The following MAGT1 variants were observed in gnomAD, a reference collection of about 807,000 sequenced individuals.
MAGT1 encodes the protein dolichyl-diphosphooligosaccharide--protein glycosyltransferase subunit MAGT1.
A neutral mutation model predicts 28.4 loss-of-function variants in MAGT1; 4 were observed. The ratio of observed to expected loss-of-function variants is 0.14; its 90% CI spans 0.07 to 0.32. The LOEUF (loss-of-function observed/expected upper bound fraction) is 0.32, where lower values mean the gene tolerates loss of function less well. MAGT1 is among the 10% of genes least tolerant of loss of function. The probability of loss-of-function intolerance (pLI) is 1.00; values close to 1 mark genes in which losing one functional copy is unlikely to be tolerated. For synonymous variants in MAGT1, 89 were observed against 89.7 expected, an observed-to-expected ratio of 0.99 and a Z score of 0.04; for missense variants, 193 against 264.5, an observed-to-expected ratio of 0.73 and a Z score of 1.88.
chrX:77,893,319 G>T (rs1478793203), intron 1 of MAGT1, among the ~76,000 whole-genome samples: 1 of 111,770 alleles, frequency 8.9e-6, no homozygotes, highest in Admixed American at 9.6e-5. Flanking sequence ...AAGAGAAAAG[G>T]AAGATATTCT....
chrX:77,856,636 A>C (rs1343501350), intron 5 of MAGT1, 97 bp downstream of exon 5: 1 of 832,814 alleles, frequency 1.2e-6, no homozygotes, highest in East Asian at 3.2e-5. Flanking sequence ...TCAGGTAAGA[A>C]ATAAAATGCT....
At chrX:77,856,076 A>G (rs1369207876) in intron 5 of MAGT1, among the ~76,000 whole-genome samples, 1 of 111,380 alleles carries the variant, frequency 9.0e-6, no homozygotes, top group East Asian at 2.8e-4. Context: ...CCAGGAAAAC[A>G]CTATTTAAAA....
chrX:77,839,120 A>C (rs1158725539), intron 8 of MAGT1, among the ~76,000 whole-genome samples: 2 of 108,045 alleles, frequency 1.9e-5, no homozygotes, highest in African/African-American at 6.7e-5. Context: ...TGGCTAACAC[A>C]GTGAAACCTC....
At chrX:77,854,680 A>G (rs2076977028) in intron 6 of MAGT1, among the ~76,000 whole-genome samples, 1 of 107,925 alleles carries the variant, frequency 9.3e-6, no homozygotes, top group African/African-American at 3.4e-5. Context: ...GGATCTTGCT[A>G]TGTTGTCCAG....
chrX:77,857,413 G>A lies in MAGT1; in HGVS notation c.475C>T (p.Arg159Trp), dbSNP rs782350149. The A allele has an allele frequency of 5.8e-6, 7 of 1,211,512 alleles. No homozygotes were observed. The highest frequency in any genetic ancestry group is 3.0e-5 in the East Asian group (1 of 33,862). The change falls in exon 4 of 10, where the codon CGG becomes TGG. Residue 159 changes from arginine (R) to tryptophan (W), a missense_variant. By Grantham distance (101) the Arg-to-Trp change is moderately radical. Coordinates refer to ENST00000618282, the MANE Select transcript of MAGT1 (RefSeq NM_001367916.1). ...GCAATCTGCTCAGCTGAAAAACCCCGCACCTGTAACTCATATGTATCACCC... is the reference window on the plus strand; with the variant it reads ...GCAATCTGCTCAGCTGAAAAACCCCACACCTGTAACTCATATGTATCACCC... ...KRGDTYELQV[R>W]GFSAEQIARW...
At chrX:77,834,476 G>A (rs2076910744) in intron 8 of MAGT1, among the ~76,000 whole-genome samples, 1 of 107,597 alleles carries the variant, frequency 9.3e-6, no homozygotes, top group Admixed American at 1.0e-4. Flanking sequence ...TGGGACTACA[G>A]GCACACACCA....
chrX:77,834,185 T>C (rs1171083795), intron 8 of MAGT1, among the ~76,000 whole-genome samples: 2 of 101,588 alleles, frequency 2.0e-5, no homozygotes, highest in Non-Finnish European at 4.0e-5. Context: ...TATATGCATA[T>C]ATGTATATAT....
intron 9 of MAGT1, among the ~76,000 whole-genome samples, chrX:77,830,404 G>A (rs1282111713): frequency 1.8e-5 from 2 of 111,114 alleles, no homozygotes; most frequent in African/African-American, 6.5e-5. Flanking sequence ...TGGATCACTT[G>A]AGGTCAGGAG....
At chrX:77,888,636 T>A (rs1569548324) in intron 1 of MAGT1, among the ~76,000 whole-genome samples, 1 of 111,554 alleles carries the variant, frequency 9.0e-6, no homozygotes, top group African/African-American at 3.3e-5. Context: ...TCATCAAAAA[T>A]GGAATATAGG....
chrX:77,845,261 T>C (rs1327815826), intron 7 of MAGT1, among the ~76,000 whole-genome samples: 2 of 111,437 alleles, frequency 1.8e-5, no homozygotes, highest in Non-Finnish European at 3.8e-5. Flanking sequence ...AGACTAGGAT[T>C]GCAACCCCTG....
At chrX:77,871,028 C>T (rs1204775731) in intron 2 of MAGT1, 103 bp from the exon 3 acceptor site, 82 of 574,364 alleles carry the variant, frequency 1.4e-4, no homozygotes, top group Non-Finnish European at 2.3e-4. Flanking sequence ...AGCAGGTTTT[C>T]CAATGGGAGA....
intron 1 of MAGT1, among the ~76,000 whole-genome samples, chrX:77,882,728 A>G (rs1557218587): frequency 9.1e-6 from 1 of 109,798 alleles, no homozygotes; most frequent in East Asian, 2.8e-4. Flanking sequence ...GCACTTTGGG[A>G]GGCTGAGGAG....
intron 1 of MAGT1, among the ~76,000 whole-genome samples, chrX:77,881,718 T>G (rs1557218480): frequency 1.8e-5 from 2 of 111,191 alleles, no homozygotes; most frequent in African/African-American, 6.5e-5. Context: ...AGTGCCAAAA[T>G]AAACATACGT....
At chrX:77,873,196 G>T (rs2077024608) in intron 2 of MAGT1, among the ~76,000 whole-genome samples, 1 of 111,295 alleles carries the variant, frequency 9.0e-6, no homozygotes, top group Non-Finnish European at 1.9e-5. Flanking sequence ...TTTATATTCA[G>T]CACATACTCC....
At chrX:77,830,686 C>T (rs1569547771) in intron 9 of MAGT1, 119 bp downstream of exon 9, 1 of 267,206 alleles carries the variant, frequency 3.7e-6, no homozygotes. Context: ...CTATATCTTT[C>T]CTTTATAAGC....
intron 1 of MAGT1, among the ~76,000 whole-genome samples, chrX:77,877,013 CAA>C (rs782800456): frequency 0.01 from 106 of 10,590 alleles, no homozygotes; most frequent in African/African-American, 0.03. Flanking sequence ...AACTCCATCT[CAA>C]AAAAAAAAAA....
At chrX:77,841,140 G>T in intron 8 of MAGT1, 106 bp downstream of exon 8, 1 of 568,944 alleles carries the variant, frequency 1.8e-6, no homozygotes. Flanking sequence ...ATAGTAAAGG[G>T]GTAAAATAAC....
rs2076979209 is a variant in MAGT1 at position 77,855,484 on chromosome X, T to A, written c.762+17A>T. ...AACTTTGGTCTACAAAGGAAAGAAA[T>A]CCCAGACTTCCCTTACCACATGTCC... On this transcript the variant is annotated intron_variant, in intron 6 of 9. Transcript: ENST00000618282. 8.7e-7 allele frequency: 1 copy of A among 1,150,628 alleles called. No homozygotes were observed. Among genetic ancestry groups the A allele is most frequent in the South Asian group, 1.8e-5 (1 of 55,511 alleles). The allele number at this position is 1,150,628 out of a possible 1,213,427, so 94.8% of individuals were successfully genotyped here. A position where few individuals can be genotyped will look rare whatever the true frequency, so the allele number is the denominator to read the frequency against.
intron 6 of MAGT1, among the ~76,000 whole-genome samples, chrX:77,854,895 G>T (rs1557215821): frequency 8.9e-6 from 1 of 112,170 alleles, no homozygotes; most frequent in African/African-American, 3.2e-5. Context: ...ACAGTGCTTA[G>T]AAACAGTGGA....
Sources: gnomAD v4.1 joint callset for allele counts (sites outside exome capture counted in the v4.1 genomes callset) on GRCh38, gnomAD v4.1.1 for gene constraint, MANE v1.5 for transcripts, NCBI Gene and HGNC (gene_info 2026-07-23, HGNC 2026-07-21) for gene names.